The following HHAT variants were observed in gnomAD, a reference collection of about 807,000 sequenced individuals.
HHAT encodes protein-cysteine N-palmitoyltransferase HHAT.
Under a neutral mutation model 70.8 loss-of-function variants are expected in HHAT, and 47 were observed. The ratio of observed to expected loss-of-function variants is 0.66; its 90% confidence interval spans 0.53 to 0.85. The LOEUF is 0.85. HHAT is among the 40% of genes least tolerant of loss of function. The probability of loss-of-function intolerance (pLI) is 0.00; values close to 1 mark genes in which losing one functional copy is unlikely to be tolerated. For synonymous variants in HHAT, 228 were observed against 247.6 expected (o/e 0.92, Z 0.74); for missense variants, 609 against 604.8 (o/e 1.01, Z -0.07).
rs1680581148 is a variant in HHAT at position 210,673,755 on chromosome 1, CTTATTTATTATTTATTTATTTATTTAT to C, written c.1391-523_1391-497del. Among the ~76,000 whole-genome samples, 5 of 70,606 alleles carry C rather than the reference CTTATTTATTATTTATTTATTTATTTAT, an allele frequency of 7.1e-5. No individual in the cohort carries two copies. In the South Asian group the frequency reaches 3.3e-3, roughly 46 times the overall value. The allele number at this position is 70,606 out of a possible 152,430, so 46.3% of individuals were successfully genotyped here. ...TACAGAAACATGCCACCATGCCTGG[CTTATTTATTATTTATTTATTTATTTAT>C]TTATTTATTTATTTATTTATTTATT... On this transcript the variant is annotated intron_variant, in intron 11 of 11. Transcript: ENST00000261458.
intron 1 of HHAT, 143 bp downstream of exon 1, chr1:210,329,247 G>C (rs1426047607): frequency 8.1e-7 from 1 of 1,233,156 alleles, no homozygotes; most frequent in Admixed American, 4.3e-5. Flanking sequence ...GGGCGGGACA[G>C]AGGAAGTTCC....
At chr1:210,671,572 A>G (rs1374332809) in intron 11 of HHAT, among the ~76,000 whole-genome samples, 2 of 152,186 alleles carry the variant, frequency 1.3e-5, no homozygotes, top group Non-Finnish European at 2.9e-5. Context: ...TAGCCTTTAA[A>G]TCCAATGATT....
At chr1:210,594,824 A>C (rs1317021443) in intron 10 of HHAT, among the ~76,000 whole-genome samples, 1 of 152,078 alleles carries the variant, frequency 6.6e-6, no homozygotes, top group Non-Finnish European at 1.5e-5. Context: ...CTATTTTAGG[A>C]TAAAAGTTTT....
intron 11 of HHAT, among the ~76,000 whole-genome samples, chr1:210,632,123 G>A (rs1390197150): frequency 6.6e-6 from 1 of 152,152 alleles, no homozygotes; most frequent in African/African-American, 2.4e-5. Flanking sequence ...CTCTCTAAGG[G>A]GAAGCTACTG....
intron 10 of HHAT, among the ~76,000 whole-genome samples, chr1:210,622,778 G>T (rs750214794): frequency 6.6e-6 from 1 of 152,168 alleles, no homozygotes; most frequent in Non-Finnish European, 1.5e-5. Flanking sequence ...TTTAGGGGGT[G>T]GTTGGATGGC....
chr1:210,519,667 C>A (rs892378169), intron 9 of HHAT, among the ~76,000 whole-genome samples: 1 of 147,438 alleles, frequency 6.8e-6, no homozygotes, highest in South Asian at 2.3e-4. Flanking sequence ...GCTGGGGCTA[C>A]AGGCATATAC....
Position 210,512,410 on chromosome 1 carries a change from C to G in HHAT, c.1008-743C>G, listed in dbSNP as rs144067970. On this transcript the variant is annotated intron_variant, in intron 8 of 11. Transcript: ENST00000261458. ...ATATTTCGGGCTGAGTGCGGTGGCTCACACCTGTAATCCCAGCACTTTGGG... is the reference window on the plus strand; with the variant it reads ...ATATTTCGGGCTGAGTGCGGTGGCTGACACCTGTAATCCCAGCACTTTGGG... Among the ~76,000 whole-genome samples, 853 of 152,030 alleles carry G rather than the reference C, an allele frequency of 5.6e-3. 11 individuals are homozygous for G. The highest frequency in any genetic ancestry group is 0.046 in the South Asian group (219 of 4,802).
chr1:210,410,338 G>A (rs1264710010), intron 6 of HHAT, among the ~76,000 whole-genome samples: 2 of 151,526 alleles, frequency 1.3e-5, no homozygotes, highest in South Asian at 2.1e-4. Context: ...TTGCAGGCGT[G>A]AGCCACCATG....
chr1:210,340,247 A>AGGG (rs2085910884), intron 1 of HHAT, among the ~76,000 whole-genome samples: 10 of 79,576 alleles, frequency 1.3e-4, no homozygotes, highest in South Asian at 7.8e-4. Flanking sequence ...TCTCAGAAAA[A>AGGG]AAAAAAAAAA....
chr1:210,571,678 C>A (rs1349103840), intron 9 of HHAT, among the ~76,000 whole-genome samples: 1 of 152,202 alleles, frequency 6.6e-6, no homozygotes, highest in African/African-American at 2.4e-5. Context: ...GCCTTCCAAG[C>A]AAGTGAAATG....
rs1217991143 is a variant in HHAT at position 210,674,534 on chromosome 1, A to G, written c.*155A>G. 1.7e-6 allele frequency: 1 copy of G among 590,750 alleles called. No individual in the cohort carries two copies. The highest frequency in any genetic ancestry group is 1.9e-5 in the African/African-American group (1 of 53,590). The allele number at this position is 590,750 out of a possible 1,614,324, so 36.6% of individuals were successfully genotyped here. A position where few individuals can be genotyped will look rare whatever the true frequency, so the allele number is the denominator to read the frequency against. ...AGACTGGATGCTGGATCTCATAGAA[A>G]ATTCACAGCCAGACAATCTTCTAAT... is the stretch of plus-strand genomic sequence containing the variant. On this transcript the variant is annotated 3_prime_UTR_variant, in exon 12 of 12. Coordinates refer to ENST00000261458, the MANE Select transcript of HHAT (RefSeq NM_018194.6).
intron 11 of HHAT, among the ~76,000 whole-genome samples, chr1:210,652,517 C>T (rs1228222907): frequency 5.3e-5 from 8 of 152,164 alleles, no homozygotes; most frequent in Non-Finnish European, 1.0e-4. Flanking sequence ...TCAAGGTGCC[C>T]GGCCATTGTA....
intron 4 of HHAT, among the ~76,000 whole-genome samples, chr1:210,389,663 A>T (rs531145344): frequency 1.6e-4 from 24 of 152,312 alleles, no homozygotes; most frequent in Admixed American, 1.4e-3. Context: ...CATGATTGTA[A>T]GTTTCCTGAG....
At chr1:210,511,595 C>T (rs1572940404) in intron 8 of HHAT, among the ~76,000 whole-genome samples, 1 of 152,004 alleles carries the variant, frequency 6.6e-6, no homozygotes. Flanking sequence ...GACCCCCCCT[C>T]GAGGGTGAAT....
At chr1:210,541,480 C>G (rs2095430282) in intron 9 of HHAT, among the ~76,000 whole-genome samples, 1 of 152,180 alleles carries the variant, frequency 6.6e-6, no homozygotes, top group African/African-American at 2.4e-5. Context: ...GTAATCCTAG[C>G]ACTTTGGGAG....
chr1:210,457,023 T>A (rs1313805437), intron 7 of HHAT, among the ~76,000 whole-genome samples: 1 of 152,192 alleles, frequency 6.6e-6, no homozygotes. Flanking sequence ...TTCTGGGTGC[T>A]GATCCATCTC....
intron 1 of HHAT, among the ~76,000 whole-genome samples, chr1:210,340,267 A>AAAAAAG (rs2085921193): frequency 1.3e-5 from 2 of 149,084 alleles, no homozygotes; most frequent in Non-Finnish European, 3.0e-5. Context: ...AAAAAAAAAA[A>AAAAAAG]AGACTCAAGT....
intron 8 of HHAT, among the ~76,000 whole-genome samples, chr1:210,485,931 G>A (rs1228712509): frequency 2.6e-5 from 4 of 152,106 alleles, no homozygotes; most frequent in East Asian, 1.9e-4. Context: ...TCCAAAGGGC[G>A]TCTGATAGGT....
chr1:210,664,638 G>C (rs1007184203), intron 11 of HHAT, among the ~76,000 whole-genome samples: 54 of 152,214 alleles, frequency 3.5e-4, no homozygotes, highest in African/African-American at 1.3e-3. Context: ...CATACAGTTA[G>C]GGGCTGATAT....
Sources: gnomAD v4.1 joint callset for allele counts (sites outside exome capture counted in the v4.1 genomes callset) on GRCh38, gnomAD v4.1.1 for gene constraint, MANE v1.5 for transcripts, NCBI Gene and HGNC (gene_info 2026-07-23, HGNC 2026-07-21) for gene names.